The following INPP5D variants were observed in gnomAD, a reference collection of about 807,000 sequenced individuals.
The protein encoded by INPP5D is phosphatidylinositol 3,4,5-trisphosphate 5-phosphatase 1.
Under a neutral mutation model 122.9 loss-of-function variants are expected in INPP5D, and 33 were observed. The ratio of observed to expected loss-of-function variants is 0.27; its 90% confidence interval spans 0.20 to 0.36. The LOEUF (loss-of-function observed/expected upper bound fraction) is 0.36, where lower values mean the gene tolerates loss of function less well. Among genes scored for constraint, INPP5D ranks in the 10% least tolerant of loss-of-function variants. The probability of loss-of-function intolerance (pLI) is 1.00; values close to 1 mark genes in which losing one functional copy is unlikely to be tolerated. For synonymous variants in INPP5D, 584 were observed against 576.2 expected (o/e 1.01, Z -0.19); for missense variants, 1,053 against 1,412.7 (o/e 0.75, Z 4.08).
At chr2:233,178,601 G>T (rs1350416425) in intron 18 of INPP5D, among the ~76,000 whole-genome samples, 1 of 152,026 alleles carries the variant, frequency 6.6e-6, no homozygotes, top group Non-Finnish European at 1.5e-5. Flanking sequence ...TCCTGCCTCA[G>T]ACTCCCGAGT....
Position 233,146,359 on chromosome 2 carries a change from G to A in INPP5D, c.835-8G>A, listed in dbSNP as rs574229969. 1.1e-4 allele frequency: 79 copies of A among 704,294 alleles called. No individual in the cohort carries two copies. The highest frequency in any genetic ancestry group is 1.0e-3 in the Admixed American group (51 of 50,026). 43.6% of individuals were successfully genotyped at this position (704,294 alleles called of 1,614,324 possible). A position where few individuals can be genotyped will look rare whatever the true frequency, so the allele number is the denominator to read the frequency against. On this transcript the variant is annotated splice_region_variant and splice_polypyrimidine_tract_variant and intron_variant, in intron 7 of 26. Coordinates refer to ENST00000445964, the MANE Select transcript of INPP5D (RefSeq NM_001017915.3). ...TTGACCCTCTGTCTCTAACGCTGCT[G>A]CCCACAGGTCAAGGCCTTGCTGCAC...
intron 9 of INPP5D, among the ~76,000 whole-genome samples, chr2:233,157,354 C>A (rs984803158): frequency 6.6e-6 from 1 of 152,008 alleles, no homozygotes; most frequent in Admixed American, 6.6e-5. Flanking sequence ...GGAAAGGCTC[C>A]CTCAGGACAA....
chr2:233,121,025 ACACT>A (rs765174035), intron 2 of INPP5D, among the ~76,000 whole-genome samples: 4 of 151,918 alleles, frequency 2.6e-5, no homozygotes, highest in Non-Finnish European at 4.4e-5. Flanking sequence ...CCCACCAAAC[ACACT>A]CACAAATTCT....
chr2:233,097,781 A>G (rs946791990), intron 2 of INPP5D, among the ~76,000 whole-genome samples: 4 of 152,268 alleles, frequency 2.6e-5, no homozygotes, highest in Non-Finnish European at 5.9e-5. Flanking sequence ...TGTTCCTTCC[A>G]ATGCAACTCA....
intron 21 of INPP5D, 48 bp downstream of exon 21, chr2:233,185,973 G>A: frequency 1.3e-6 from 2 of 1,533,016 alleles, no homozygotes; most frequent in Non-Finnish European, 1.8e-6. Flanking sequence ...GCATTTACTA[G>A]GCCAGTAGTA....
rs1695430332 is a variant in INPP5D at position 233,204,514 on chromosome 2, A to G, written c.3364A>G (p.Ile1122Val). ...GGCCCCGGTGCCGGCCAAGAGGCCC[A>G]TCAAGCCTTCCAGATCGGAAATCAA... ...SQAPVPAKRP[I>V]KPSRSEINQQ... Residue 1122 changes from isoleucine to valine, a missense_variant, in exon 26 of 27, where the codon ATC becomes GTC. Physicochemically the swap from Ile to Val is conservative, Grantham distance 29. Transcript: ENST00000445964. 5 of 1,581,742 alleles carry G rather than the reference A, an allele frequency of 3.2e-6. No homozygotes were observed.
chr2:233,110,344 T>C (rs190310479), intron 2 of INPP5D, among the ~76,000 whole-genome samples: 38 of 152,092 alleles, frequency 2.5e-4, no homozygotes, highest in African/African-American at 8.0e-4. Flanking sequence ...TGTGAGCCAC[T>C]GTGCCTGGCC....
rs1291373449 is a variant in INPP5D at position 233,170,847 on chromosome 2, A to C, written c.1901-217A>C. ...TGTGAACCAGGGAGGCAGAGCTTGC[A>C]GTGAGCCAAGATCGCGCCACTGCAC... On this transcript the variant is annotated intron_variant, in intron 16 of 26. Coordinates refer to ENST00000445964, the MANE Select transcript of INPP5D (RefSeq NM_001017915.3). The surrounding 1 kb of genome is among the most constrained non-coding windows in gnomAD (Gnocchi z 4.5). 6.7e-6 allele frequency among the ~76,000 whole-genome samples: 1 copy of C among 148,928 alleles called. No individual in the cohort carries two copies. Among genetic ancestry groups the C allele is most frequent in the Non-Finnish European group, 1.5e-5 (1 of 67,606 alleles).
intron 6 of INPP5D, 21 bp downstream of exon 6, chr2:233,139,950 A>C: frequency 2.5e-6 from 1 of 398,298 alleles, no homozygotes; most frequent in Non-Finnish European, 4.4e-6. Flanking sequence ...TTGGGGTTGA[A>C]AAGGTGAGAT....
intron 9 of INPP5D, among the ~76,000 whole-genome samples, chr2:233,151,765 C>T (rs1418375846): frequency 1.3e-5 from 2 of 152,126 alleles, no homozygotes; most frequent in Non-Finnish European, 2.9e-5. Context: ...GTGCTTAGCA[C>T]AGAGTAAGTG....
intron 2 of INPP5D, among the ~76,000 whole-genome samples, chr2:233,092,503 A>T (rs754866555): frequency 1.3e-5 from 2 of 152,180 alleles, no homozygotes; most frequent in Non-Finnish European, 2.9e-5. Flanking sequence ...TTTAGCATTG[A>T]TGAGCCTGTG....
intron 5 of INPP5D, among the ~76,000 whole-genome samples, chr2:233,139,374 C>G (rs998635088): frequency 6.6e-6 from 1 of 151,912 alleles, no homozygotes; most frequent in Non-Finnish European, 1.5e-5. Context: ...GCATCAGAAT[C>G]CACAGATCAC....
chr2:233,080,407 G>A (rs1297940831), intron 2 of INPP5D, among the ~76,000 whole-genome samples: 1 of 150,620 alleles, frequency 6.6e-6, no homozygotes, highest in African/African-American at 2.4e-5. Flanking sequence ...CAAGAAGGAA[G>A]GAGACAAAGT....
Position 233,135,321 on chromosome 2 carries a change from G to A in INPP5D, c.666-4521G>A, listed in dbSNP as rs149499478. 3.6e-3 allele frequency among the ~76,000 whole-genome samples: 547 copies of A among 151,870 alleles called. 1 individual carries two copies. Among genetic ancestry groups the A allele is most frequent in the Middle Eastern group, 0.017 (5 of 292 alleles). On this transcript the variant is annotated intron_variant, in intron 5 of 26. Transcript: ENST00000445964. ...AGTGATCCTCCTGCCTTTAACTCCG[G>A]AGTATCTGTGATTACAGGCATGCAC...
chr2:233,207,049 ATAATAT>A lies in INPP5D; in HGVS notation c.*347_*352del, dbSNP rs1212187158. The A allele has an allele frequency of 1.8e-5, 4 of 226,206 alleles. No individual in the cohort carries two copies. The highest frequency in any genetic ancestry group is 3.5e-5 in the Non-Finnish European group (4 of 113,050). The allele number at this position is 226,206 out of a possible 1,614,324, so 14.0% of individuals were successfully genotyped here. A position where few individuals can be genotyped will look rare whatever the true frequency, so the allele number is the denominator to read the frequency against. ...TTTGAGGGTGGAGATATAGATAATA[ATAATAT>A]TAATAATAATAATGGCCACATGGAT... is the stretch of plus-strand genomic sequence containing the variant. On this transcript the variant is annotated 3_prime_UTR_variant, in exon 27 of 27. Transcript: ENST00000445964. This position sits in a 1 kb window ranked among gnomAD's most constrained non-coding sequence, Gnocchi z 4.6.
Position 233,193,793 on chromosome 2 carries a change from T to C in INPP5D, c.2447-19T>C, listed in dbSNP as rs536379005. On this transcript the variant is annotated intron_variant, in intron 22 of 26. Coordinates refer to ENST00000445964, the MANE Select transcript of INPP5D (RefSeq NM_001017915.3). ...AAAAGGCAGGGTCTTCACCCAGCTGTCTCCCACTTTCCCTGCAGGCGAGGG... is the reference window on the plus strand; with the variant it reads ...AAAAGGCAGGGTCTTCACCCAGCTGCCTCCCACTTTCCCTGCAGGCGAGGG... 9.9e-6 allele frequency: 16 copies of C among 1,613,798 alleles called. No homozygotes were observed. The South Asian group carries it at 1.6e-4, about 17-fold the overall frequency.
chr2:233,169,785 G>A, intron 14 of INPP5D: 2 of 648,014 alleles, frequency 3.1e-6, no homozygotes, highest in Non-Finnish European at 5.2e-6. Flanking sequence ...CTGAGCAGAT[G>A]CTGCTGCTCC....
chr2:233,125,992 G>A (rs1333429462), intron 4 of INPP5D, 73 bp downstream of exon 4: 1 of 1,458,342 alleles, frequency 6.9e-7, no homozygotes, highest in East Asian at 2.4e-5. Flanking sequence ...GGATGGCTTG[G>A]GTTTCGATCC....
chr2:233,138,944 G>A (rs1237910795), intron 5 of INPP5D, among the ~76,000 whole-genome samples: 4 of 147,988 alleles, frequency 2.7e-5, no homozygotes, highest in East Asian at 4.2e-4. Context: ...TAGTAGAGAC[G>A]GGGGTTTCAC....
Sources: allele counts gnomAD v4.1 joint callset (sites outside exome capture counted in the v4.1 genomes callset), GRCh38; gene constraint gnomAD v4.1.1; non-coding constraint Gnocchi (gnomAD v3.1); transcripts MANE v1.5; gene names NCBI Gene and HGNC (gene_info 2026-07-23, HGNC 2026-07-21).